TNS1: variants seen among roughly 807,000 people sequenced by gnomAD.
TNS1 encodes the protein tensin 1, also known as tensin-1.
A neutral mutation model predicts 168.6 loss-of-function variants in TNS1; 62 were observed. That is an observed-to-expected ratio of 0.37 (90% confidence interval 0.30 to 0.45). TNS1 has a LOEUF of 0.45. TNS1 is among the 20% of genes least tolerant of loss of function. The pLI is 1.00. For synonymous variants in TNS1, 934 were observed against 933.2 expected (o/e 1.00, Z -0.02); for missense variants, 2,240 against 2,339.4 (o/e 0.96, Z 0.88).
chr2:217,970,519 G>T (rs577340545), intron 3 of TNS1, among the ~76,000 whole-genome samples: 2 of 152,186 alleles, frequency 1.3e-5, no homozygotes, highest in South Asian at 4.2e-4. Context: ...ACTGATGAAT[G>T]GAAAAACAAC....
chr2:217,889,992 G>A (rs1951582089), intron 12 of TNS1, among the ~76,000 whole-genome samples: 1 of 152,228 alleles, frequency 6.6e-6, no homozygotes. Flanking sequence ...GGATCCCTCA[G>A]GACAGTGGGT....
At chr2:218,029,976 T>C (rs1317347312) in intron 1 of TNS1, among the ~76,000 whole-genome samples, 1 of 152,178 alleles carries the variant, frequency 6.6e-6, no homozygotes, top group Non-Finnish European at 1.5e-5. Context: ...AACTTCCTCC[T>C]GCTCCTCGTC....
intron 1 of TNS1, among the ~76,000 whole-genome samples, chr2:218,015,511 C>G (rs1181876199): frequency 1.3e-5 from 2 of 152,162 alleles, no homozygotes; most frequent in Non-Finnish European, 2.9e-5. Context: ...CCTCCATCCC[C>G]CCTTTCAAAT....
chr2:218,031,077 TTTGTG>T (rs1958889627), intron 1 of TNS1, among the ~76,000 whole-genome samples: 5 of 149,772 alleles, frequency 3.3e-5, no homozygotes, highest in African/African-American at 7.5e-5. Flanking sequence ...TATGTGTGTG[TTTGTG>T]AGTGTGTGAG....
intron 21 of TNS1, among the ~76,000 whole-genome samples, chr2:217,832,675 A>G (rs962795837): frequency 1.3e-5 from 2 of 152,176 alleles, no homozygotes; most frequent in Middle Eastern, 3.2e-3. Flanking sequence ...ATGAAAAAAT[A>G]CACTCTCTCT....
chr2:217,988,177 C>T (rs1958249332), intron 2 of TNS1, among the ~76,000 whole-genome samples: 2 of 152,358 alleles, frequency 1.3e-5, no homozygotes, highest in South Asian at 4.1e-4. Context: ...ACTCCCCACC[C>T]TCCAGAGCCC....
intron 22 of TNS1, 46 bp downstream of exon 22, chr2:217,831,409 C>T (rs572336122): frequency 6.7e-7 from 1 of 1,493,414 alleles, no homozygotes; most frequent in Admixed American, 2.1e-5. Flanking sequence ...CACAGGAGTC[C>T]TCCTCCCCCT....
chr2:218,016,707 AC>A (rs564440368), intron 1 of TNS1, among the ~76,000 whole-genome samples: 3 of 151,686 alleles, frequency 2.0e-5, no homozygotes, highest in Admixed American at 1.3e-4. Context: ...AAGGGAATGG[AC>A]CCCCCCAGAA....
chr2:217,804,957 GCCCTAC>G (rs1255427096), intron 32 of TNS1, among the ~76,000 whole-genome samples: 1 of 140,460 alleles, frequency 7.1e-6, no homozygotes, highest in Non-Finnish European at 1.6e-5. Context: ...GCCCATCCCA[GCCCTAC>G]CCCTACTGAC....
chr2:217,898,040 A>C, intron 7 of TNS1, 71 bp from the exon 8 acceptor site: 1 of 1,486,912 alleles, frequency 6.7e-7, no homozygotes, highest in South Asian at 1.4e-5. Flanking sequence ...AGATAGCTGC[A>C]CCCCATACAC....
intron 3 of TNS1, among the ~76,000 whole-genome samples, chr2:217,971,883 A>G (rs1185561664): frequency 6.6e-6 from 1 of 152,216 alleles, no homozygotes; most frequent in Non-Finnish European, 1.5e-5. Context: ...CGAAAGACAT[A>G]TCATATTTGC....
In TNS1 at chr2:217,880,973, A is replaced by C. The variant is rs750750378; in HGVS notation, c.1354T>G (p.Tyr452Asp). 1 of 1,614,084 alleles carries C rather than the reference A, an allele frequency of 6.2e-7. No individual in the cohort carries two copies. Among genetic ancestry groups the C allele is most frequent in the Non-Finnish European group, 8.5e-7 (1 of 1,180,012 alleles). The change falls in exon 18 of 33, where the codon TAT becomes GAT. Residue 452 changes from tyrosine to aspartate, a missense_variant. By Grantham distance (160) the Tyr-to-Asp change is radical. Transcript: ENST00000682258. This position sits in a 1 kb window ranked among gnomAD's most constrained non-coding sequence, Gnocchi z 4.2. ...LENGPSVSVD[Y>D]NTSDPLIRWD... ...CGGATGAGGGGGTCGGAGGTGTTAT[A>C]GTCCACAGACACGCTCGGCCCGTTC...
At chr2:217,947,652 G>A (rs1025215221) in intron 3 of TNS1, among the ~76,000 whole-genome samples, 13 of 152,146 alleles carry the variant, frequency 8.5e-5, no homozygotes, top group African/African-American at 2.4e-4. Flanking sequence ...GAAGGGACGC[G>A]ACAGAAAGGG....
At chr2:217,808,490 GGA>G in intron 31 of TNS1, 111 bp downstream of exon 31, 13 of 1,042,740 alleles carry the variant, frequency 1.2e-5, no homozygotes, top group Non-Finnish European at 1.9e-5. Flanking sequence ...CCAGCTGAAT[GGA>G]GAATGTATGC....
At chr2:217,884,098 G>A (rs894771515) in intron 16 of TNS1, among the ~76,000 whole-genome samples, 33 of 120,906 alleles carry the variant, frequency 2.7e-4, no homozygotes, top group Non-Finnish European at 8.0e-5. Context: ...GCACATGCCC[G>A]ACACATACAG....
intron 9 of TNS1, among the ~76,000 whole-genome samples, chr2:217,894,709 C>A (rs1000520499): frequency 6.6e-6 from 1 of 152,098 alleles, no homozygotes; most frequent in African/African-American, 2.4e-5. Context: ...TCGAAAGCAG[C>A]GGCTCCCAAC....
rs369252326 is a variant in TNS1 at position 218,015,508 on chromosome 2, C to T, written c.156+18312G>A. 1.2e-3 allele frequency among the ~76,000 whole-genome samples: 181 copies of T among 152,276 alleles called. 1 individual carries two copies. The highest frequency in any genetic ancestry group is 4.2e-3 in the African/African-American group (176 of 41,550). On this transcript the variant is annotated intron_variant, in intron 1 of 1. Coordinates refer to the TNS1 transcript ENST00000649572. Reference sequence around the variant, plus strand: ...GTTCCTGTTGATACCTAACCTCCATCCCCCCTTTCAAATTCCAGACCATTT... The same window carrying T: ...GTTCCTGTTGATACCTAACCTCCATTCCCCCTTTCAAATTCCAGACCATTT...
chr2:217,821,757 G>A lies in TNS1; in HGVS notation c.3555C>T (p.Pro1185=). The change falls in exon 23 of 33, where the codon CCC becomes CCT. Residue 1185 remains proline (P), a synonymous_variant. Transcript: ENST00000682258. ...CGGCTTACCTGTCAGCACTGAGGAT[G>A]GGGCTGCTGGTGGAGAGGGGGCTGG... ...VSPSPLSTSS[P]ILSADSTSVG... 6.7e-7 allele frequency: 1 copy of A among 1,490,244 alleles called. No individual in the cohort carries two copies. Among genetic ancestry groups the A allele is most frequent in the Non-Finnish European group, 8.9e-7 (1 of 1,123,394 alleles). The allele number at this position is 1,490,244 out of a possible 1,614,324, so 92.3% of individuals were successfully genotyped here.
At chr2:217,833,392 C>T (rs906179039) in intron 21 of TNS1, among the ~76,000 whole-genome samples, 2 of 152,250 alleles carry the variant, frequency 1.3e-5, no homozygotes, top group East Asian at 1.9e-4. Context: ...AAATTCCACA[C>T]GTTTCTCCAC....
Sources: gnomAD v4.1 joint callset for allele counts (sites outside exome capture counted in the v4.1 genomes callset) on GRCh38, gnomAD v4.1.1 for gene constraint, Gnocchi (gnomAD v3.1) non-coding constraint, MANE v1.5 for transcripts, NCBI Gene and HGNC (gene_info 2026-07-23, HGNC 2026-07-21) for gene names.